The following COBL variants were observed in gnomAD, a reference collection of about 807,000 sequenced individuals.
COBL encodes the protein cordon-bleu WH2 repeat protein, also known as protein cordon-bleu.
Under a neutral mutation model 98.8 loss-of-function variants are expected in COBL, and 51 were observed. The observed-to-expected ratio is 0.52, with a 90% CI of 0.41 to 0.65. The LOEUF is 0.65. Among genes scored for constraint, COBL ranks in the 30% least tolerant of loss-of-function variants. The pLI, the probability that COBL is intolerant of heterozygous loss-of-function variation, is 0.00. For missense variants in COBL, 1,617 were observed against 1,617.5 expected (o/e 1.00, Z 0.01); for synonymous variants, 634 against 651.7 (o/e 0.97, Z 0.41).
intron 7 of COBL, among the ~76,000 whole-genome samples, chr7:51,061,791 A>G (rs1791385543): frequency 6.6e-6 from 1 of 152,134 alleles, no homozygotes; most frequent in South Asian, 2.1e-4. Context: ...CCTGTGCTTG[A>G]GCATCAGAGC....
chr7:51,146,863 A>C (rs1785081131), intron 5 of COBL, among the ~76,000 whole-genome samples: 1 of 152,154 alleles, frequency 6.6e-6, no homozygotes, highest in Non-Finnish European at 1.5e-5. Flanking sequence ...TACAAAAGTT[A>C]CTTAATAGGA....
intron 2 of COBL, among the ~76,000 whole-genome samples, chr7:51,207,227 T>G (rs1791818912): frequency 6.6e-6 from 1 of 151,136 alleles, no homozygotes; most frequent in South Asian, 2.1e-4. Flanking sequence ...AGGTACTTGG[T>G]ACAGCGGACA....
At chr7:51,114,542 G>A (rs907519637) in intron 6 of COBL, among the ~76,000 whole-genome samples, 11 of 152,148 alleles carry the variant, frequency 7.2e-5, no homozygotes, top group African/African-American at 2.7e-4. Flanking sequence ...AATCTGGAGA[G>A]AGATGAGAGA....
intron 5 of COBL, among the ~76,000 whole-genome samples, chr7:51,142,821 A>C (rs1200379231): frequency 1.3e-5 from 2 of 152,208 alleles, no homozygotes. Flanking sequence ...AATTTCAGAA[A>C]GGCAGAAGTT....
At chr7:51,044,353 T>C (rs764390113) in intron 7 of COBL, among the ~76,000 whole-genome samples, 1 of 152,184 alleles carries the variant, frequency 6.6e-6, no homozygotes, top group Non-Finnish European at 1.5e-5. Flanking sequence ...ATACTAATGA[T>C]GGGTAGCACT....
intron 1 of COBL, among the ~76,000 whole-genome samples, chr7:51,287,385 TTCGCCA>T (rs1439619372): frequency 6.6e-6 from 1 of 152,180 alleles, no homozygotes; most frequent in African/African-American, 2.4e-5. Flanking sequence ...CACATAAAGC[TTCGCCA>T]TCGTTAGCCT....
rs771694685 is a variant in COBL at position 51,027,838 on chromosome 7, G to C, written c.3258C>G (p.Pro1086=). 1.5e-5 allele frequency: 24 copies of C among 1,614,102 alleles called. No homozygotes were observed. The South Asian group carries it at 2.5e-4, about 17-fold the overall frequency. ...ATTTTTTCTTCGGCCCAAAAATGCTGGGTGGCCAAATACTGTCTGTTTCAT... is the reference window on the plus strand; with the variant it reads ...ATTTTTTCTTCGGCCCAAAAATGCTCGGTGGCCAAATACTGTCTGTTTCAT... The part of the protein sequence containing the change: ...DGNETDSIWP[P]SIFGPKKKFK... Residue 1086 remains proline (P), a synonymous_variant, in exon 10 of 13, where the codon CCC becomes CCG. Transcript: ENST00000265136.
chr7:51,252,480 C>A (rs1319595346), intron 1 of COBL, among the ~76,000 whole-genome samples: 1 of 152,146 alleles, frequency 6.6e-6, no homozygotes, highest in Non-Finnish European at 1.5e-5. Context: ...TGAAATCATA[C>A]AATACGCATG....
intron 7 of COBL, among the ~76,000 whole-genome samples, chr7:51,048,098 G>A (rs571614017): frequency 7.3e-5 from 11 of 151,602 alleles, no homozygotes; most frequent in East Asian, 3.9e-4. Flanking sequence ...CCTGAGAGGC[G>A]GAGGCTGCAG....
intron 3 of COBL, among the ~76,000 whole-genome samples, chr7:51,191,311 G>A (rs986832620): frequency 2.6e-5 from 4 of 152,076 alleles, no homozygotes; most frequent in Non-Finnish European, 5.9e-5. Flanking sequence ...TAACAACACA[G>A]CGAAATAAAC....
At chr7:51,183,339 T>A (rs1157605486) in intron 5 of COBL, among the ~76,000 whole-genome samples, 3 of 152,216 alleles carry the variant, frequency 2.0e-5, no homozygotes, top group Non-Finnish European at 4.4e-5. Flanking sequence ...TCTTACTTAT[T>A]AGTAAGGATA....
chr7:51,217,934 G>A (rs1456465634), intron 2 of COBL, among the ~76,000 whole-genome samples: 5 of 152,152 alleles, frequency 3.3e-5, no homozygotes, highest in Non-Finnish European at 7.4e-5. Flanking sequence ...AGTGGCTTCC[G>A]GTGGACCAGG....
chr7:51,111,915 C>T (rs2128978190), intron 6 of COBL, among the ~76,000 whole-genome samples: 1 of 152,300 alleles, frequency 6.6e-6, no homozygotes, highest in East Asian at 1.9e-4. Context: ...TTATTTTACT[C>T]TCTTAACACT....
At chr7:51,207,714 A>C (rs958916323) in intron 2 of COBL, among the ~76,000 whole-genome samples, 2 of 152,240 alleles carry the variant, frequency 1.3e-5, no homozygotes, top group Admixed American at 1.3e-4. Flanking sequence ...TTGCAGACGG[A>C]GTCTCGTTCA....
At chr7:51,093,307 T>C (rs1031277823) in intron 6 of COBL, among the ~76,000 whole-genome samples, 1 of 152,080 alleles carries the variant, frequency 6.6e-6, no homozygotes, top group African/African-American at 2.4e-5. Flanking sequence ...ATATGAGAAA[T>C]GCAAAGTAAA....
chr7:51,176,745 T>C (rs1026649496), intron 5 of COBL, among the ~76,000 whole-genome samples: 1 of 152,228 alleles, frequency 6.6e-6, no homozygotes, highest in African/African-American at 2.4e-5. Flanking sequence ...TTTGAACTAG[T>C]GAATTTCACC....
At chr7:51,061,528 AG>A (rs1292948853) in intron 7 of COBL, among the ~76,000 whole-genome samples, 1 of 152,018 alleles carries the variant, frequency 6.6e-6, no homozygotes, top group African/African-American at 2.4e-5. Flanking sequence ...ACATGCATAT[AG>A]GGGGCGAGTT....
rs944631271 is a variant in COBL at position 51,206,405 on chromosome 7, T to C, written c.246-12816A>G. On this transcript the variant is annotated intron_variant, in intron 2 of 12. Transcript: ENST00000265136. ...TACTCGGAAGGCTGAGGCAGGAGAA[T>C]TGCTTGAACCCAGGAGGCAAAGATT... Among the ~76,000 whole-genome samples the C allele has an allele frequency of 7.9e-5, 12 of 151,206 alleles. 1 individual carries two copies. Among genetic ancestry groups the C allele is most frequent in the Admixed American group, 4.0e-4 (6 of 15,148 alleles).
At chr7:51,078,699 C>T (rs939616627) in intron 7 of COBL, among the ~76,000 whole-genome samples, 1 of 152,256 alleles carries the variant, frequency 6.6e-6, no homozygotes, top group African/African-American at 2.4e-5. Context: ...CTCATGGCCT[C>T]TCACCAGGCT....
Sources: gnomAD v4.1 joint callset for allele counts (sites outside exome capture counted in the v4.1 genomes callset) on GRCh38, gnomAD v4.1.1 for gene constraint, MANE v1.5 for transcripts, NCBI Gene and HGNC (gene_info 2026-07-23, HGNC 2026-07-21) for gene names.